Variants in GPR35 observed in about 807,000 individuals in gnomAD.
GPR35 encodes the protein G protein-coupled receptor 35.
For synonymous variants in GPR35, 207 were observed against 198.4 expected (o/e 1.04, Z -0.36); for missense variants, 372 against 422.5 (o/e 0.88, Z 1.05).
rs745962726 is a variant in GPR35, at chr2:240,630,843, C to T, written c.891C>T (p.Ala297=). The T allele has an allele frequency of 3.1e-6, 5 of 1,613,012 alleles. No homozygotes were observed. In the Admixed American group the frequency reaches 8.3e-5, roughly 27 times the overall value. The change falls in exon 2 of 2, where the codon GCC becomes GCT. Residue 297 remains alanine, a synonymous_variant. Transcript: ENST00000407714. ...TGGCCGTGGCTCCCAGTGCTAAGGC[C>T]CACAAAAGCCAGGACTCTCTGTGCG... ...SALAVAPSAK[A]HKSQDSLCVT...
At chr2:240,617,580 G>A in intron 4 of GPR35, 1 of 264,174 alleles carries the variant, frequency 3.8e-6, no homozygotes, top group Non-Finnish European at 7.4e-6. Flanking sequence ...TAACTCTTTG[G>A]TCATGTTGAG....
upstream of GPR35, among the ~76,000 whole-genome samples, chr2:240,621,124 A>G (rs996586607): frequency 1.3e-5 from 2 of 152,232 alleles, no homozygotes; most frequent in African/African-American, 4.8e-5. Flanking sequence ...CCCCACACAG[A>G]GGACCCCACT....
At chr2:240,628,492 C>A (rs150490479) in intron 1 of GPR35, 3 of 152,258 alleles carry the variant, frequency 2.0e-5, no homozygotes, top group African/African-American at 7.2e-5. Flanking sequence ...TCTAAGGAGA[C>A]AGAATGAAGC....
chr2:240,623,561 C>G (rs1192753251), upstream of GPR35, among the ~76,000 whole-genome samples: 19 of 151,812 alleles, frequency 1.3e-4, no homozygotes, highest in African/African-American at 4.1e-4. Context: ...GAGCGGGGAG[C>G]TAGGAGAGAA....
chr2:240,605,849 T>C (rs1373333336), intron 1 of GPR35, among the ~76,000 whole-genome samples: 3 of 152,268 alleles, frequency 2.0e-5, no homozygotes, highest in Non-Finnish European at 4.4e-5. Flanking sequence ...AATCATTTTA[T>C]TCCTGGGGAT....
chr2:240,611,104 TTTTG>T lies in GPR35; in HGVS notation c.-577+4504_-577+4507del, dbSNP rs1456451926. Among the ~76,000 whole-genome samples the T allele has an allele frequency of 1.4e-4, 22 of 152,002 alleles. No individual in the cohort carries two copies. In the East Asian group the frequency reaches 2.3e-3, roughly 16 times the overall value. On this transcript the variant is annotated intron_variant, in intron 2 of 5. Transcript: ENST00000319838. ...CGTGCCACTACGCCCAGCTGTGTTT[TTTTG>T]TTTGTTTGTTTTTGTTTTTGTTTTT...
At chr2:240,621,911 C>A (rs1424534553), upstream of GPR35, among the ~76,000 whole-genome samples, 2 of 152,170 alleles carry the variant, frequency 1.3e-5, no homozygotes, top group Non-Finnish European at 2.9e-5. Context: ...TGCTCTGTTG[C>A]AACCAGGCTG....
rs1559438577 is a variant in GPR35 at position 240,625,724 on chromosome 2, A to AGGCTATGATGGGGTCTCAGAGTGG, written c.-5+158_-5+159insCTATGATGGGGTCTCAGAGTGGGG. 1.1e-4 allele frequency among the ~76,000 whole-genome samples: 6 copies of AGGCTATGATGGGGTCTCAGAGTGG among 55,930 alleles called. 1 individual carries two copies. Among genetic ancestry groups the AGGCTATGATGGGGTCTCAGAGTGG allele is most frequent in the South Asian group, 1.6e-3 (2 of 1,252 alleles). 36.7% of individuals were successfully genotyped at this position (55,930 alleles called of 152,430 possible). On this transcript the variant is annotated intron_variant, in intron 1 of 1. Transcript: ENST00000407714. ...GGCTGTGACGGGGGTTCTCAGAGCG[A>AGGCTATGATGGGGTCTCAGAGTGG]GGTGAGGCTGTGACAGGGTCTCAGA...
rs965167650 is a variant in GPR35, at chr2:240,632,281, C to T, written c.*1399C>T. Among the ~76,000 whole-genome samples the T allele has an allele frequency of 6.6e-6, 1 of 151,648 alleles. No homozygotes were observed. The highest frequency in any genetic ancestry group is 1.5e-5 in the Non-Finnish European group (1 of 67,916). On this transcript the variant is annotated 3_prime_UTR_variant, in exon 2 of 2. Coordinates refer to ENST00000407714, the MANE Select transcript of GPR35 (RefSeq NM_005301.5). ...CAGGAGAGTTTATGCCCTGGAGGGC[C>T]CCATGCCCGGGAGAGTCACGTGCAC...
At chr2:240,618,199 A>G (rs1397888290) in intron 4 of GPR35, among the ~76,000 whole-genome samples, 1 of 152,184 alleles carries the variant, frequency 6.6e-6, no homozygotes, top group East Asian at 1.9e-4. Flanking sequence ...AAAAATCTCA[A>G]ACAATACCCA....
In GPR35 at chr2:240,631,492, A is replaced by T. The variant is rs1227720998; in HGVS notation, c.*610A>T. On this transcript the variant is annotated 3_prime_UTR_variant, in exon 2 of 2. Coordinates refer to ENST00000407714, the MANE Select transcript of GPR35 (RefSeq NM_005301.5). ...CAGCCCAGGTTTCCTTGCTCAAGAC[A>T]GGGCTGGGAGCAGCTGATCTCCATG... Among the ~76,000 whole-genome samples the T allele has an allele frequency of 6.8e-6, 1 of 147,978 alleles. No homozygotes were observed. The highest frequency in any genetic ancestry group is 1.5e-5 in the Non-Finnish European group (1 of 66,600).
intron 2 of GPR35, among the ~76,000 whole-genome samples, chr2:240,614,004 C>G (rs754610486): frequency 1.3e-5 from 2 of 151,686 alleles, no homozygotes; most frequent in Non-Finnish European, 2.9e-5. Context: ...AACCCTAACC[C>G]TATCCCGAGC....
At chr2:240,616,310 T>TC (rs1264359757) in intron 2 of GPR35, 11 of 679,136 alleles carry the variant, frequency 1.6e-5, no homozygotes, top group Non-Finnish European at 2.7e-5. Context: ...GCATACGAGG[T>TC]CCCCGCGGTC....
chr2:240,622,307 GGGCTGT>G (rs2043304670), upstream of GPR35, among the ~76,000 whole-genome samples: 1 of 152,186 alleles, frequency 6.6e-6, no homozygotes, highest in African/African-American at 2.4e-5. Context: ...GTATGACCAT[GGGCTGT>G]GGCTGGCAGG....
chr2:240,616,722 CTT>C (rs762196808), intron 3 of GPR35, among the ~76,000 whole-genome samples: 18 of 120,458 alleles, frequency 1.5e-4, no homozygotes, highest in Non-Finnish European at 2.3e-4. Flanking sequence ...GACTTACTCA[CTT>C]ATAACAAACA....
intron 2 of GPR35, among the ~76,000 whole-genome samples, chr2:240,609,299 T>C (rs2043162385): frequency 6.6e-6 from 1 of 152,124 alleles, no homozygotes; most frequent in Non-Finnish European, 1.5e-5. Flanking sequence ...AAGTGGAATC[T>C]TAGGTAATGA....
chr2:240,623,462 T>TGCAAACAGGTCGTGAGGGC (rs1463936668), upstream of GPR35, among the ~76,000 whole-genome samples: 53 of 29,300 alleles, frequency 1.8e-3, 11 homozygotes, highest in African/African-American at 5.7e-3. Flanking sequence ...GTCGTGAGGG[T>TGCAAACAGGTCGTGAGGGC]GCAAACAGGT....
chr2:240,617,583 A>C (rs145031164), intron 4 of GPR35: 30 of 258,708 alleles, frequency 1.2e-4, no homozygotes, highest in Middle Eastern at 1.4e-3. Context: ...CTCTTTGGTC[A>C]TGTTGAGGTA....
rs746376617 is a variant in GPR35, at chr2:240,630,595, G to T, written c.643G>T (p.Ala215Ser). Reference sequence around the variant, plus strand: ...GGGGCAGGCAGAGGCCACCCGCAAGGCTGCCCGCATGGTCTGGGCCAACCT... The same window carrying T: ...GGGGCAGGCAGAGGCCACCCGCAAGTCTGCCCGCATGGTCTGGGCCAACCT... ...DVGQAEATRK[A>S]ARMVWANLLV... The change falls in exon 2 of 2, where the codon GCT becomes TCT. Residue 215 changes from alanine (A) to serine (S), a missense_variant. Physicochemically the swap from Ala to Ser is moderately conservative, Grantham distance 99. Coordinates refer to ENST00000407714, the MANE Select transcript of GPR35 (RefSeq NM_005301.5). The T allele has an allele frequency of 6.2e-7, 1 of 1,612,848 alleles. No individual in the cohort carries two copies. Among genetic ancestry groups the T allele is most frequent in the Non-Finnish European group, 8.5e-7 (1 of 1,179,954 alleles).
Sources: allele counts gnomAD v4.1 joint callset (sites outside exome capture counted in the v4.1 genomes callset), GRCh38; gene constraint gnomAD v4.1.1; transcripts MANE v1.5; gene names NCBI Gene and HGNC (gene_info 2026-07-23, HGNC 2026-07-21).